SFMBT2: variants seen among roughly 807,000 people sequenced by gnomAD.
SFMBT2 encodes the protein scm-like with four MBT domains protein 2.
SFMBT2 carries 38 observed loss-of-function variants against 110.1 expected under a neutral mutation model. The observed-to-expected ratio is 0.35, with a 90% CI of 0.27 to 0.45. The LOEUF (loss-of-function observed/expected upper bound fraction) is 0.45. SFMBT2 is among the 20% of genes least tolerant of loss of function. The pLI is 1.00. For synonymous variants in SFMBT2, 425 were observed against 425.4 expected (o/e 1.00, Z 0.01); for missense variants, 1,011 against 1,094.9 (o/e 0.92, Z 1.08).
chr10:7,286,030 A>G, intron 4 of SFMBT2, 76 bp from the exon 5 acceptor site: 1 of 754,404 alleles, frequency 1.3e-6, no homozygotes, highest in East Asian at 2.5e-5. Flanking sequence ...GTATCCAATC[A>G]ACTTAAAATC....
intron 10 of SFMBT2, among the ~76,000 whole-genome samples, chr10:7,227,620 T>C (rs1419600295): frequency 6.6e-6 from 1 of 152,214 alleles, no homozygotes; most frequent in Non-Finnish European, 1.5e-5. Context: ...GGCCATCACC[T>C]TTTAGCATGT....
chr10:7,175,376 A>T (rs926564191), intron 17 of SFMBT2, among the ~76,000 whole-genome samples: 30 of 152,214 alleles, frequency 2.0e-4, no homozygotes, highest in African/African-American at 7.0e-4. Context: ...GGGACTGGGG[A>T]TGGAAGAGGC....
At chr10:7,165,608 A>T (rs1053342867) in intron 20 of SFMBT2, among the ~76,000 whole-genome samples, 1 of 152,228 alleles carries the variant, frequency 6.6e-6, no homozygotes, top group Admixed American at 6.5e-5. Context: ...TTATTTTTAA[A>T]TTACAGATGA....
chr10:7,261,132 A>G (rs1003011058), intron 7 of SFMBT2, among the ~76,000 whole-genome samples: 2 of 152,106 alleles, frequency 1.3e-5, no homozygotes, highest in Non-Finnish European at 2.9e-5. Context: ...GGGATGTGAG[A>G]TAGTATATGC....
rs543393270 is a variant in SFMBT2, at chr10:7,205,257, G to A, written c.1444+558C>T. 16 of 267,314 alleles carry A rather than the reference G, an allele frequency of 6.0e-5. No homozygotes were observed. The Admixed American group carries it at 6.5e-4, about 11-fold the overall frequency. The allele number at this position is 267,314 out of a possible 1,614,324, so 16.6% of individuals were successfully genotyped here. A position where few individuals can be genotyped will look rare whatever the true frequency, so the allele number is the denominator to read the frequency against. ...CTGCTTGACTAATTTACTTATATATGTACTTCTTTTTTTACGTATATACAG... is the reference window on the plus strand; with the variant it reads ...CTGCTTGACTAATTTACTTATATATATACTTCTTTTTTTACGTATATACAG... On this transcript the variant is annotated intron_variant, in intron 12 of 20. Coordinates refer to ENST00000397167, the MANE Select transcript of SFMBT2 (RefSeq NM_001387889.1).
At position 7,170,969 on chromosome 10, in the gene SFMBT2, G is replaced by A. The variant is rs1837856888; in HGVS notation, c.2503C>T (p.Leu835=). 6.2e-7 allele frequency: 1 copy of A among 1,614,076 alleles called. No homozygotes were observed. Among genetic ancestry groups the A allele is most frequent in the Non-Finnish European group, 8.5e-7 (1 of 1,180,032 alleles). ...TTGGCCAAGGGGGCACAGTCTGTCA[G>A]CTTAATGAACCTCACCACGTCGGTG... ...TVTDVVRFIK[L]TDCAPLAKIF... The change falls in exon 20 of 21, where the codon CTG becomes TTG. Residue 835 remains leucine, a synonymous_variant. Transcript: ENST00000397167. The surrounding 1 kb of genome is among the most constrained non-coding windows in gnomAD (Gnocchi z 4.6).
intron 7 of SFMBT2, among the ~76,000 whole-genome samples, chr10:7,271,205 T>G (rs1049252605): frequency 1.4e-4 from 21 of 146,050 alleles, no homozygotes; most frequent in Non-Finnish European, 2.8e-4. Flanking sequence ...GGAGAATCTC[T>G]TGAACCCAGG....
intron 4 of SFMBT2, among the ~76,000 whole-genome samples, chr10:7,361,352 G>A (rs1164196791): frequency 6.6e-6 from 1 of 152,110 alleles, no homozygotes; most frequent in Non-Finnish European, 1.5e-5. Flanking sequence ...TCTACTTTTT[G>A]GAGTCCACAG....
At chr10:7,197,335 C>T (rs1183190288) in intron 15 of SFMBT2, among the ~76,000 whole-genome samples, 4 of 152,132 alleles carry the variant, frequency 2.6e-5, no homozygotes, top group Non-Finnish European at 5.9e-5. Context: ...AGATGTGTGT[C>T]CCTCCCTCTA....
Position 7,170,252 on chromosome 10 carries a change from A to T in SFMBT2, c.2544+676T>A, listed in dbSNP as rs1837831918. 6.6e-6 allele frequency among the ~76,000 whole-genome samples: 1 copy of T among 152,172 alleles called. No homozygotes were observed. Among genetic ancestry groups the T allele is most frequent in the Non-Finnish European group, 1.5e-5 (1 of 68,032 alleles). ...TGAGCTTCATGCCCCTGAGACTTGG[A>T]GCTGAAGAAGCTGCAACCCAGATTT... On this transcript the variant is annotated intron_variant, in intron 20 of 20. Coordinates refer to ENST00000397167, the MANE Select transcript of SFMBT2 (RefSeq NM_001387889.1). This position sits in a 1 kb window ranked among gnomAD's most constrained non-coding sequence, Gnocchi z 4.6.
At chr10:7,388,375 G>A (rs1368025900) in intron 1 of SFMBT2, among the ~76,000 whole-genome samples, 1 of 150,028 alleles carries the variant, frequency 6.7e-6, no homozygotes, top group Admixed American at 6.6e-5. Context: ...TGATGATTGA[G>A]ATGGAGTATT....
Position 7,284,056 on chromosome 10 carries a change from C to G in SFMBT2, c.620G>C (p.Ser207Thr). The change falls in exon 6 of 21, where the codon AGT becomes ACT. Residue 207 changes from serine (S) to threonine (T), a missense_variant. Ser to Thr is a moderately conservative substitution (Grantham distance 58). Coordinates refer to ENST00000397167, the MANE Select transcript of SFMBT2 (RefSeq NM_001387889.1). ...TCTTCCTCCAACATTTTCAATCACACTAACTATCCAGTACTGAAAAGGGTT... is the reference window on the plus strand; with the variant it reads ...TCTTCCTCCAACATTTTCAATCACAGTAACTATCCAGTACTGAAAAGGGTT... ...SQNPFQYWIV[S>T]VIENVGGRLR... 1 of 1,614,198 alleles carries G rather than the reference C, an allele frequency of 6.2e-7. No homozygotes were observed. The highest frequency in any genetic ancestry group is 8.5e-7 in the Non-Finnish European group (1 of 1,180,036).
chr10:7,363,094 G>A (rs1844775047), intron 4 of SFMBT2, among the ~76,000 whole-genome samples: 1 of 152,082 alleles, frequency 6.6e-6, no homozygotes, highest in South Asian at 2.1e-4. Context: ...ATCTTGATTT[G>A]TAGCTCCCAT....
intron 7 of SFMBT2, among the ~76,000 whole-genome samples, chr10:7,250,412 C>T (rs1840765805): frequency 1.9e-5 from 1 of 53,876 alleles, no homozygotes; most frequent in Non-Finnish European, 3.7e-5. Flanking sequence ...CTGCAAAGAA[C>T]ATACTTGCAT....
chr10:7,333,362 C>G (rs1280565877), intron 4 of SFMBT2, among the ~76,000 whole-genome samples: 2 of 150,716 alleles, frequency 1.3e-5, no homozygotes, highest in Non-Finnish European at 2.9e-5. Context: ...TAGTAAATAT[C>G]TGGTGGATGA....
intron 4 of SFMBT2, among the ~76,000 whole-genome samples, chr10:7,321,203 T>C (rs1035119958): frequency 3.2e-4 from 47 of 144,634 alleles, no homozygotes; most frequent in African/African-American, 1.2e-3. Flanking sequence ...TGAGCATCCT[T>C]TTTTTTTTTT....
chr10:7,367,593 C>T lies in SFMBT2; in HGVS notation c.436+56G>A. ...GTTCTCTCTGCTCCTTGCAAAATTACAGGCGTCATGAAGGATGGCGGCTCG... is the reference window on the plus strand; with the variant it reads ...GTTCTCTCTGCTCCTTGCAAAATTATAGGCGTCATGAAGGATGGCGGCTCG... On this transcript the variant is annotated intron_variant, in intron 4 of 20. Coordinates refer to ENST00000397167, the MANE Select transcript of SFMBT2 (RefSeq NM_001387889.1). The surrounding 1 kb of genome is among the most constrained non-coding windows in gnomAD (Gnocchi z 6.2). 1.9e-6 allele frequency: 3 copies of T among 1,572,098 alleles called. No homozygotes were observed. The highest frequency in any genetic ancestry group is 2.6e-6 in the Non-Finnish European group (3 of 1,160,060).
At chr10:7,188,597 T>C (rs763108418) in intron 16 of SFMBT2, 27 bp downstream of exon 16, 12 of 1,582,572 alleles carry the variant, frequency 7.6e-6, no homozygotes, top group African/African-American at 1.3e-5. Flanking sequence ...ACAAAAACCC[T>C]TGCTTTCCAG....
At chr10:7,375,940 C>T (rs546631625) in intron 2 of SFMBT2, among the ~76,000 whole-genome samples, 14 of 152,186 alleles carry the variant, frequency 9.2e-5, no homozygotes, top group Admixed American at 3.9e-4. Flanking sequence ...GATTCCTTTC[C>T]TTCCCAAATA....
Sources: gnomAD v4.1 joint callset for allele counts (sites outside exome capture counted in the v4.1 genomes callset) on GRCh38, gnomAD v4.1.1 for gene constraint, Gnocchi (gnomAD v3.1) non-coding constraint, MANE v1.5 for transcripts, NCBI Gene and HGNC (gene_info 2026-07-23, HGNC 2026-07-21) for gene names.